ALK: variants seen among roughly 807,000 people sequenced by gnomAD.
ALK encodes ALK receptor tyrosine kinase.
Under a neutral mutation model 163.1 loss-of-function variants are expected in ALK, and 74 were observed. That is an observed-to-expected ratio of 0.45 (90% CI 0.38 to 0.55). The LOEUF is 0.55. Among genes scored for constraint, ALK ranks in the 20% least tolerant of loss-of-function variants. The pLI, the probability that ALK is intolerant of heterozygous loss-of-function variation, is 0.00. For synonymous variants in ALK, 960 were observed against 843.2 expected (o/e 1.14, Z -2.40); for missense variants, 2,063 against 2,105.3 (o/e 0.98, Z 0.39).
rs1239480342 is a variant in ALK at position 29,921,414 on chromosome 2, C to T, written c.-755G>A. On this transcript the variant is annotated 5_prime_UTR_variant, in exon 1 of 29. Transcript: ENST00000389048. ...CAGCTGAGGGCGTTCAGGGCAGGGG[C>T]GCCCGAAATCTTGCCGCCCCCTCCT... The T allele has an allele frequency of 1.3e-5, 3 of 232,382 alleles. No individual in the cohort carries two copies. Among genetic ancestry groups the T allele is most frequent in the East Asian group, 1.2e-4 (2 of 16,560 alleles). 14.4% of individuals were successfully genotyped at this position (232,382 alleles called of 1,614,324 possible).
At chr2:29,802,313 G>A (rs1223922841) in intron 1 of ALK, among the ~76,000 whole-genome samples, 3 of 99,288 alleles carry the variant, frequency 3.0e-5, no homozygotes, top group African/African-American at 4.1e-5. Context: ...GGAGGGAAGG[G>A]GATGGGAGGG....
chr2:29,564,810 G>T (rs1002819447), intron 3 of ALK, among the ~76,000 whole-genome samples: 20 of 152,094 alleles, frequency 1.3e-4, no homozygotes, highest in African/African-American at 4.8e-4. Context: ...TTTATTTTTA[G>T]TGTGTTTGTG....
chr2:29,371,845 C>A (rs1425088538), intron 5 of ALK, among the ~76,000 whole-genome samples: 2 of 152,142 alleles, frequency 1.3e-5, no homozygotes, highest in African/African-American at 4.8e-5. Flanking sequence ...CCTGGCTGCA[C>A]CTCCTCCTCA....
chr2:29,770,923 G>T (rs999924993), intron 1 of ALK, among the ~76,000 whole-genome samples: 1 of 150,304 alleles, frequency 6.7e-6, no homozygotes, highest in Admixed American at 6.6e-5. Context: ...TCACACACAC[G>T]CAGTCACACA....
intron 4 of ALK, among the ~76,000 whole-genome samples, chr2:29,449,038 T>C (rs1370011937): frequency 9.9e-5 from 15 of 152,200 alleles, no homozygotes; most frequent in Admixed American, 9.8e-4. Flanking sequence ...TTTCATCCAG[T>C]ATTGCACAAA....
chr2:29,512,844 C>T (rs377241043), intron 4 of ALK, among the ~76,000 whole-genome samples: 3 of 151,016 alleles, frequency 2.0e-5, no homozygotes, highest in South Asian at 2.1e-4. Context: ...AGCATTCTTA[C>T]ACACCAACAA....
At chr2:29,444,133 G>C (rs1670612207) in intron 4 of ALK, among the ~76,000 whole-genome samples, 1 of 152,192 alleles carries the variant, frequency 6.6e-6, no homozygotes, top group Non-Finnish European at 1.5e-5. Flanking sequence ...TAGTCTGCCA[G>C]AACAGTCCTA....
intron 25 of ALK, among the ~76,000 whole-genome samples, chr2:29,209,132 T>C (rs1669394186): frequency 1.5e-5 from 2 of 130,796 alleles, no homozygotes; most frequent in African/African-American, 6.3e-5. Context: ...TACTGAGGAG[T>C]TGAGGAAGTT....
chr2:29,475,966 C>T (rs1402260966), intron 4 of ALK, among the ~76,000 whole-genome samples: 4 of 152,200 alleles, frequency 2.6e-5, no homozygotes, highest in Non-Finnish European at 5.9e-5. Context: ...TCTCTTGGTC[C>T]TCCCGTGTGG....
intron 3 of ALK, among the ~76,000 whole-genome samples, chr2:29,627,903 G>A (rs17041317): frequency 0.023 from 3,457 of 152,040 alleles, 131 homozygotes; most frequent in African/African-American, 0.079. Context: ...GGCCCAAACT[G>A]AAAGAAAATG....
chr2:29,645,109 C>G (rs928342622), intron 3 of ALK, among the ~76,000 whole-genome samples: 2 of 152,228 alleles, frequency 1.3e-5, no homozygotes, highest in Admixed American at 6.5e-5. Flanking sequence ...TTACTTTCTC[C>G]TCTTTTCTTC....
intron 19 of ALK, chr2:29,224,796 GT>G (rs751767255): frequency 3.6e-4 from 78 of 217,960 alleles, no homozygotes; most frequent in Non-Finnish European, 5.9e-4. Context: ...GACACAGTGT[GT>G]GCTGCCATCT....
chr2:29,590,798 G>A (rs1314767844), intron 3 of ALK, among the ~76,000 whole-genome samples: 2 of 151,588 alleles, frequency 1.3e-5, no homozygotes, highest in Admixed American at 1.3e-4. Flanking sequence ...CAGGCCGGGC[G>A]CGGTGGCTCA....
intron 5 of ALK, among the ~76,000 whole-genome samples, chr2:29,367,501 C>A (rs1016023259): frequency 1.3e-5 from 2 of 152,170 alleles, no homozygotes; most frequent in Non-Finnish European, 2.9e-5. Context: ...TGAGTTTCAA[C>A]AGTACAAAAT....
intron 1 of ALK, among the ~76,000 whole-genome samples, chr2:29,894,418 A>G (rs149522874): frequency 6.6e-5 from 10 of 152,114 alleles, no homozygotes; most frequent in African/African-American, 2.4e-4. Flanking sequence ...AAGCAATACT[A>G]TCCCCCACGT....
At chr2:29,869,207 G>T (rs911796415) in intron 1 of ALK, among the ~76,000 whole-genome samples, 43 of 152,268 alleles carry the variant, frequency 2.8e-4, no homozygotes, top group African/African-American at 8.9e-4. Context: ...AGTTCAAGTG[G>T]TTTGCTATGC....
At chr2:29,203,270 C>G (rs955765222) in intron 26 of ALK, among the ~76,000 whole-genome samples, 1 of 151,814 alleles carries the variant, frequency 6.6e-6, no homozygotes, top group South Asian at 2.1e-4. Flanking sequence ...TATTTGTGGC[C>G]GCACCATCTT....
At chr2:29,687,543 AG>A (rs201162903) in intron 3 of ALK, among the ~76,000 whole-genome samples, 2 of 152,148 alleles carry the variant, frequency 1.3e-5, no homozygotes, top group Admixed American at 6.5e-5. Flanking sequence ...TTAAAAAAAA[AG>A]GATAGCATGT....
chr2:29,889,321 GT>G (rs1667073976), intron 1 of ALK, among the ~76,000 whole-genome samples: 1 of 151,820 alleles, frequency 6.6e-6, no homozygotes, highest in African/African-American at 2.4e-5. Context: ...AATGAGCAAT[GT>G]TAACACAATT....
Sources: gnomAD v4.1 joint callset for allele counts (sites outside exome capture counted in the v4.1 genomes callset) on GRCh38, gnomAD v4.1.1 for gene constraint, MANE v1.5 for transcripts, NCBI Gene and HGNC (gene_info 2026-07-23, HGNC 2026-07-21) for gene names.